The following PCDHA6 variants were observed in gnomAD, a reference collection of about 807,000 sequenced individuals.
PCDHA6 encodes protocadherin alpha-6.
Under a neutral mutation model 60.3 loss-of-function variants are expected in PCDHA6, and 55 were observed. The ratio of observed to expected loss-of-function variants is 0.91; its 90% confidence interval spans 0.73 to 1.14. PCDHA6 has a LOEUF of 1.14. Among genes scored for constraint, PCDHA6 ranks in the 50% most tolerant of loss-of-function variants. The pLI is 0.00. For missense variants in PCDHA6, 1,327 were observed against 1,256.5 expected (o/e 1.06, Z -0.85); for synonymous variants, 652 against 557.9 (o/e 1.17, Z -2.38).
At chr5:140,896,673 G>T (rs962137649) in intron 1 of PCDHA6, among the ~76,000 whole-genome samples, 1 of 152,000 alleles carries the variant, frequency 6.6e-6, no homozygotes, top group African/African-American at 2.4e-5. Context: ...CACTGTGCCC[G>T]GCCCTTTGCC....
Position 140,843,621 on chromosome 5 carries a change from C to T in PCDHA6, c.2394+13136C>T, listed in dbSNP as rs2150363692. On this transcript the variant is annotated intron_variant, in intron 1 of 3. Transcript: ENST00000529310. ...TGCTCTGGTGAGGGGCCACCGAAGA[C>T]GGACCTCATGGCCTTCAGCCCCTGC... The T allele has an allele frequency of 1.0e-5, 16 of 1,596,050 alleles. 1 individual carries two copies. The South Asian group carries it at 1.8e-4, about 18-fold the overall frequency.
At position 140,876,037 on chromosome 5, in the gene PCDHA6, A is replaced by G. The variant is rs1554168212; in HGVS notation, c.2394+45552A>G. On this transcript the variant is annotated intron_variant, in intron 1 of 3. Transcript: ENST00000529310. ...TAAAATAAAAACAAAAAAAGATAAA[A>G]GTATATTGCCTGAATTAGTTCTTCG... is the stretch of plus-strand genomic sequence containing the variant. 1.9e-6 allele frequency: 3 copies of G among 1,613,766 alleles called. No homozygotes were observed. Among genetic ancestry groups the G allele is most frequent in the South Asian group, 2.2e-5 (2 of 91,050 alleles).
intron 3 of PCDHA6, among the ~76,000 whole-genome samples, chr5:141,000,006 C>T (rs1453937377): frequency 1.3e-5 from 2 of 151,992 alleles, no homozygotes; most frequent in Admixed American, 1.3e-4. Context: ...TTAGATTGGC[C>T]TCCCCATTGC....
Position 140,852,095 on chromosome 5 carries a change from A to T in PCDHA6, c.2394+21610A>T. The stretch of plus-strand genomic sequence containing the variant: ...CAGCTATTTTATTTAATATTGTGTC[A>T]GATATTTTACAAGGTATGACCTAAT... On this transcript the variant is annotated intron_variant, in intron 1 of 3. Transcript: ENST00000529310. 16 of 908,222 alleles carry T rather than the reference A, an allele frequency of 1.8e-5. 1 individual carries two copies. Among genetic ancestry groups the T allele is most frequent in the Non-Finnish European group, 2.1e-5 (16 of 745,934 alleles). The allele number at this position is 908,222 out of a possible 1,614,324, so 56.3% of individuals were successfully genotyped here.
At chr5:140,911,051 G>C (rs566300992) in intron 1 of PCDHA6, among the ~76,000 whole-genome samples, 1 of 152,100 alleles carries the variant, frequency 6.6e-6, no homozygotes, top group East Asian at 1.9e-4. Flanking sequence ...CAGGGGTGGT[G>C]GGGGGTGGGT....
chr5:140,963,964 C>T (rs1207514831), intron 1 of PCDHA6, among the ~76,000 whole-genome samples: 1 of 152,182 alleles, frequency 6.6e-6, no homozygotes, highest in Non-Finnish European at 1.5e-5. Flanking sequence ...AGGAGTGTGA[C>T]TGACTCCAAA....
At chr5:140,857,705 T>C in intron 1 of PCDHA6, 1 of 1,597,138 alleles carries the variant, frequency 6.3e-7, no homozygotes, top group Non-Finnish European at 8.6e-7. Flanking sequence ...GCTGCAGGTG[T>C]TCGTGCTGGA....
At position 140,836,671 on chromosome 5, in the gene PCDHA6, G is replaced by A. The variant is rs146098956; in HGVS notation, c.2394+6186G>A. The A allele has an allele frequency of 1.4e-5, 22 of 1,613,282 alleles. No individual in the cohort carries two copies. The African/African-American group carries it at 2.8e-4, about 21-fold the overall frequency. On this transcript the variant is annotated intron_variant, in intron 1 of 3. Coordinates refer to ENST00000529310, the MANE Select transcript of PCDHA6 (RefSeq NM_018909.4). ...CGGCAGAGGGTGTGCTCTGGGGAGG[G>A]CCCACCCAAGACAGACCTCATGGCC...
intron 1 of PCDHA6, among the ~76,000 whole-genome samples, chr5:140,953,120 C>T (rs2094851215): frequency 6.6e-6 from 1 of 152,154 alleles, no homozygotes; most frequent in South Asian, 2.1e-4. Context: ...GGACACAGAT[C>T]TAAACCGTAT....
intron 1 of PCDHA6, chr5:140,869,187 C>G (rs782446170): frequency 2.5e-6 from 4 of 1,613,830 alleles, no homozygotes; most frequent in African/African-American, 1.3e-5. Flanking sequence ...AGGTGGGGAG[C>G]GGCCAGCTCC....
rs782325875 is a variant in PCDHA6, at chr5:140,979,026, A to T, written c.2453+19A>T. The T allele has an allele frequency of 6.2e-7, 1 of 1,613,490 alleles. No homozygotes were observed. The highest frequency in any genetic ancestry group is 1.1e-5 in the South Asian group (1 of 90,898). On this transcript the variant is annotated intron_variant, in intron 2 of 3. Transcript: ENST00000529310. ...TGCACAGGTATGTATTTCCCTCCTC[A>T]TTCACTCAGAAGTAACCTTAACTTG...
intron 1 of PCDHA6, chr5:140,852,164 G>A (rs1176947336): frequency 2.4e-6 from 2 of 829,782 alleles, no homozygotes; most frequent in Non-Finnish European, 3.0e-6. Context: ...TGAGAATAGA[G>A]CCACAAAAAT....
At chr5:140,959,754 T>C (rs1265254392) in intron 1 of PCDHA6, among the ~76,000 whole-genome samples, 1 of 152,222 alleles carries the variant, frequency 6.6e-6, no homozygotes, top group East Asian at 1.9e-4. Flanking sequence ...TAAAGTATAT[T>C]TTAATATTCA....
intron 1 of PCDHA6, chr5:140,930,104 G>T (rs532818002): frequency 6.6e-6 from 1 of 152,210 alleles, no homozygotes; most frequent in Non-Finnish European, 1.5e-5. Flanking sequence ...ACTGATAGGA[G>T]ATCATATTGT....
At chr5:140,873,007 C>G (rs1363151505) in intron 1 of PCDHA6, among the ~76,000 whole-genome samples, 2 of 152,088 alleles carry the variant, frequency 1.3e-5, no homozygotes, top group East Asian at 3.8e-4. Context: ...AGTCATTCTT[C>G]ATATTTAGTT....
intron 1 of PCDHA6, chr5:140,858,650 T>A (rs1581517795): frequency 6.1e-6 from 5 of 822,646 alleles, no homozygotes; most frequent in Admixed American, 3.2e-5. Context: ...GGTACTTAAA[T>A]TTTTTTAAAT....
At chr5:140,990,288 C>T (rs537252814) in intron 3 of PCDHA6, among the ~76,000 whole-genome samples, 1 of 152,226 alleles carries the variant, frequency 6.6e-6, no homozygotes, top group South Asian at 2.1e-4. Context: ...TTGAGATTAT[C>T]GATGCCATTG....
Position 140,871,315 on chromosome 5 carries a change from CT to C in PCDHA6, c.2394+40831del, listed in dbSNP as rs1352668242. On this transcript the variant is annotated intron_variant, in intron 1 of 3. Transcript: ENST00000529310. ...CGCGTGCGCGCCGGGGAAGCCCACGCTGGTGTGCTCCCGCGCGGTGGGGAGC... is the reference window on the plus strand; with the variant it reads ...CGCGTGCGCGCCGGGGAAGCCCACGCGGTGTGCTCCCGCGCGGTGGGGAGC... The C allele has an allele frequency of 8.1e-6, 13 of 1,613,928 alleles. No homozygotes were observed. In the Admixed American group the frequency reaches 2.0e-4, roughly 25 times the overall value.
chr5:140,980,933 C>G (rs1376814777), intron 2 of PCDHA6, among the ~76,000 whole-genome samples: 1 of 152,120 alleles, frequency 6.6e-6, no homozygotes, highest in African/African-American at 2.4e-5. Flanking sequence ...CTGCTTTGAG[C>G]TGAGCTGGCT....
Sources: allele counts gnomAD v4.1 joint callset (sites outside exome capture counted in the v4.1 genomes callset), GRCh38; gene constraint gnomAD v4.1.1; transcripts MANE v1.5; gene names NCBI Gene and HGNC (gene_info 2026-07-23, HGNC 2026-07-21).